RIMKLA: variants seen among roughly 807,000 people sequenced by gnomAD.
The protein encoded by RIMKLA is N-acetylaspartylglutamate synthase A.
In RIMKLA, 14 loss-of-function variants were observed where a neutral mutation model predicts 32.7. The observed-to-expected ratio is 0.43, with a 90% CI of 0.28 to 0.67. RIMKLA has a LOEUF of 0.67. RIMKLA is among the 30% of genes least tolerant of loss of function. The pLI is 0.18. For synonymous variants in RIMKLA, 176 were observed against 204.1 expected, an observed-to-expected ratio of 0.86 and a Z score of 1.18; for missense variants, 410 against 519.0, an observed-to-expected ratio of 0.79 and a Z score of 2.04.
chr1:42,422,928 G>A lies in RIMKLA; in HGVS notation c.*7954G>A, dbSNP rs1217173772. 1.3e-5 allele frequency among the ~76,000 whole-genome samples: 2 copies of A among 151,650 alleles called. No homozygotes were observed. Among genetic ancestry groups the A allele is most frequent in the African/African-American group, 2.4e-5 (1 of 41,432 alleles). ...AAGATTCAAATAGCAAGTGAGAGCT[G>A]AAAGCTGTTTAAAATGGCTGTGTGG... On this transcript the variant is annotated 3_prime_UTR_variant, in exon 5 of 5. Coordinates refer to ENST00000431473, the MANE Select transcript of RIMKLA (RefSeq NM_173642.4).
chr1:42,384,588 T>C (rs1002316725), intron 1 of RIMKLA, among the ~76,000 whole-genome samples: 2 of 136,436 alleles, frequency 1.5e-5, no homozygotes, highest in Non-Finnish European at 3.1e-5. Flanking sequence ...TATATGTGTG[T>C]ATATATGTAT....
chr1:42,418,663 C>T lies in RIMKLA; in HGVS notation c.*3689C>T, dbSNP rs956321154. ...ATAATGAGATGCATGGATTTCCATCCACCCTGGAGAAGTGGGGGAGATGTG... is the reference window on the plus strand; with the variant it reads ...ATAATGAGATGCATGGATTTCCATCTACCCTGGAGAAGTGGGGGAGATGTG... On this transcript the variant is annotated 3_prime_UTR_variant, in exon 5 of 5. Transcript: ENST00000431473. 4 of 152,180 alleles carry T rather than the reference C, an allele frequency of 2.6e-5. No individual in the cohort carries two copies. The highest frequency in any genetic ancestry group is 9.7e-5 in the African/African-American group (4 of 41,422). 9.4% of individuals were successfully genotyped at this position (152,180 alleles called of 1,614,324 possible). A position where few individuals can be genotyped will look rare whatever the true frequency, so the allele number is the denominator to read the frequency against.
At chr1:42,407,392 C>T (rs1033844500) in intron 3 of RIMKLA, among the ~76,000 whole-genome samples, 4 of 151,926 alleles carry the variant, frequency 2.6e-5, no homozygotes, top group African/African-American at 9.7e-5. Context: ...TCATTTTGTG[C>T]TTGCCTAATC....
In RIMKLA at chr1:42,417,611, T is replaced by C. The variant is rs902849240; in HGVS notation, c.*2637T>C. Reference sequence around the variant, plus strand: ...GAGACTGGTGCATGTAAATTAATGGTAGTAGAGCACCTCCCACATCTGATT... The same window carrying C: ...GAGACTGGTGCATGTAAATTAATGGCAGTAGAGCACCTCCCACATCTGATT... On this transcript the variant is annotated 3_prime_UTR_variant, in exon 5 of 5. Transcript: ENST00000431473. The C allele has an allele frequency of 5.3e-5, 8 of 152,130 alleles. No homozygotes were observed. The highest frequency in any genetic ancestry group is 1.9e-4 in the African/African-American group (8 of 41,392). 9.4% of individuals were successfully genotyped at this position (152,130 alleles called of 1,614,324 possible).
intron 3 of RIMKLA, among the ~76,000 whole-genome samples, chr1:42,407,903 A>G (rs1643161326): frequency 6.6e-6 from 1 of 152,288 alleles, no homozygotes; most frequent in African/African-American, 2.4e-5. Flanking sequence ...TTCTTGCCTT[A>G]AAACTGTGGC....
chr1:42,394,339 T>G (rs1321030126), intron 1 of RIMKLA, among the ~76,000 whole-genome samples: 3 of 152,246 alleles, frequency 2.0e-5, no homozygotes, highest in African/African-American at 4.8e-5. Context: ...GATGCACATG[T>G]GTGCACACAT....
intron 2 of RIMKLA, among the ~76,000 whole-genome samples, chr1:42,401,495 G>A (rs932436320): frequency 1.3e-4 from 19 of 151,964 alleles, no homozygotes; most frequent in Admixed American, 3.3e-4. Flanking sequence ...CTTGAGAGGT[G>A]AGAAGAGAAA....
intron 1 of RIMKLA, among the ~76,000 whole-genome samples, chr1:42,391,013 G>A (rs941865144): frequency 1.3e-5 from 2 of 152,182 alleles, no homozygotes; most frequent in African/African-American, 4.8e-5. Flanking sequence ...GGTGGTACCC[G>A]TGGATGGTAG....
intron 4 of RIMKLA, 103 bp from the exon 5 acceptor site, chr1:42,414,381 C>A: frequency 8.3e-7 from 1 of 1,200,808 alleles, no homozygotes; most frequent in Non-Finnish European, 1.2e-6. Context: ...GATTAATGAT[C>A]GAGCCTCTCT....
At chr1:42,385,739 C>G (rs552468479) in intron 1 of RIMKLA, among the ~76,000 whole-genome samples, 15 of 118,224 alleles carry the variant, frequency 1.3e-4, no homozygotes, top group African/African-American at 7.4e-4. Flanking sequence ...TTCTTTCTTT[C>G]TTTCTTTCTT....
rs1477848333 is a variant in RIMKLA at position 42,410,116 on chromosome 1, T to C, written c.614T>C (p.Val205Ala). 6.2e-7 allele frequency: 1 copy of C among 1,614,080 alleles called. No individual in the cohort carries two copies. The highest frequency in any genetic ancestry group is 1.1e-5 in the South Asian group (1 of 91,078). The change falls in exon 4 of 5, where the codon GTA becomes GCA. Residue 205 changes from valine to alanine, a missense_variant. Coordinates refer to ENST00000431473, the MANE Select transcript of RIMKLA (RefSeq NM_173642.4). ...SHGKDIRVVVVGGQVIGSMLR... is the reference protein window; with the variant it reads ...SHGKDIRVVVAGGQVIGSMLR... ...GGAAAGGACATCCGGGTGGTGGTGGTAGGGGGCCAGGTCATAGGCTCTATG... is the reference window on the plus strand; with the variant it reads ...GGAAAGGACATCCGGGTGGTGGTGGCAGGGGGCCAGGTCATAGGCTCTATG...
chr1:42,399,579 G>T lies in RIMKLA; in HGVS notation c.339G>T (p.Trp113Cys). ...TCTTAAATTGCATCAACAAATTCTG[G>T]ACGTTCCAAGAACTGGCTGGACATG... ...QSILNCINKFWTFQELAGHGV... is the reference protein window; with the variant it reads ...QSILNCINKFCTFQELAGHGV... Residue 113 changes from tryptophan to cysteine, a missense_variant, in exon 2 of 5, where the codon TGG (tryptophan) becomes TGT (cysteine). Transcript: ENST00000431473. 6.2e-7 allele frequency: 1 copy of T among 1,613,084 alleles called. No individual in the cohort carries two copies. The highest frequency in any genetic ancestry group is 8.5e-7 in the Non-Finnish European group (1 of 1,179,656).
chr1:42,420,985 T>G lies in RIMKLA; in HGVS notation c.*6011T>G, dbSNP rs1163240909. On this transcript the variant is annotated 3_prime_UTR_variant, in exon 5 of 5. Coordinates refer to ENST00000431473, the MANE Select transcript of RIMKLA (RefSeq NM_173642.4). ...CACTGTGAGCAACACAAGCATCGCC[T>G]TCTTGTGATCATGGCTCAGTGCCAA... The G allele has an allele frequency of 2.6e-5, 4 of 152,270 alleles. No individual in the cohort carries two copies. The South Asian group carries it at 6.2e-4, about 24-fold the overall frequency. 9.4% of individuals were successfully genotyped at this position (152,270 alleles called of 1,614,324 possible).
At position 42,418,103 on chromosome 1, in the gene RIMKLA, T is replaced by C. The variant is rs1353283999; in HGVS notation, c.*3129T>C. 1 of 152,150 alleles carries C rather than the reference T, an allele frequency of 6.6e-6. No homozygotes were observed. Among genetic ancestry groups the C allele is most frequent in the Non-Finnish European group, 1.5e-5 (1 of 68,030 alleles). The allele number at this position is 152,150 out of a possible 1,614,324, so 9.4% of individuals were successfully genotyped here. A position where few individuals can be genotyped will look rare whatever the true frequency, so the allele number is the denominator to read the frequency against. ...GTATTCAGACAGCCTTCTGGATGTA[T>C]CGTATATAACCTGAAACTCTCCACT... On this transcript the variant is annotated 3_prime_UTR_variant, in exon 5 of 5. Transcript: ENST00000431473.
At chr1:42,387,971 C>T (rs745372798) in intron 1 of RIMKLA, among the ~76,000 whole-genome samples, 4 of 151,928 alleles carry the variant, frequency 2.6e-5, no homozygotes, top group Middle Eastern at 3.2e-3. Flanking sequence ...GATGATAATC[C>T]GTGTAAAGAT....
intron 1 of RIMKLA, among the ~76,000 whole-genome samples, chr1:42,386,707 C>T (rs1369068352): frequency 8.6e-6 from 1 of 115,848 alleles, no homozygotes. Flanking sequence ...GAAACCCCGT[C>T]TCTACTAAAA....
At chr1:42,414,421 C>G in intron 4 of RIMKLA, 63 bp from the exon 5 acceptor site, 1 of 1,563,160 alleles carries the variant, frequency 6.4e-7, no homozygotes. Flanking sequence ...ATCCCTGTCT[C>G]TTCTTTGAAG....
chr1:42,387,118 G>A (rs1483459567), intron 1 of RIMKLA, among the ~76,000 whole-genome samples: 1 of 152,058 alleles, frequency 6.6e-6, no homozygotes, highest in Non-Finnish European at 1.5e-5. Flanking sequence ...GAATGCACCT[G>A]TAATCTCAGC....
At chr1:42,401,272 G>A (rs1004252732) in intron 2 of RIMKLA, among the ~76,000 whole-genome samples, 2 of 152,160 alleles carry the variant, frequency 1.3e-5, no homozygotes, top group East Asian at 1.9e-4. Flanking sequence ...CTGATGTGCC[G>A]CCCGGTTCCT....
Sources: gnomAD v4.1 joint callset for allele counts (sites outside exome capture counted in the v4.1 genomes callset) on GRCh38, gnomAD v4.1.1 for gene constraint, MANE v1.5 for transcripts, NCBI Gene and HGNC (gene_info 2026-07-23, HGNC 2026-07-21) for gene names.